The following GRIK4 variants were observed in gnomAD, a reference collection of about 807,000 sequenced individuals.
GRIK4 encodes glutamate ionotropic receptor kainate type subunit 4.
In GRIK4, 40 loss-of-function variants were observed where a neutral mutation model predicts 104.9. That is an observed-to-expected ratio of 0.38 (90% CI 0.30 to 0.50). GRIK4 has a LOEUF of 0.50. Ranked by LOEUF, GRIK4 falls within the 20% of genes least tolerant of loss-of-function variation. The pLI is 0.93. For synonymous variants in GRIK4, 485 were observed against 524.9 expected (o/e 0.92, Z 1.04); for missense variants, 1,047 against 1,308.1 (o/e 0.80, Z 3.08).
intron 9 of GRIK4, among the ~76,000 whole-genome samples, chr11:120,864,642 G>A (rs148968593): frequency 5.9e-5 from 9 of 152,336 alleles, no homozygotes; most frequent in East Asian, 1.9e-4. Flanking sequence ...ACCACATTTG[G>A]CATCTGGCCT....
intron 3 of GRIK4, among the ~76,000 whole-genome samples, chr11:120,739,326 A>C (rs1860046183): frequency 6.6e-6 from 1 of 152,224 alleles, no homozygotes; most frequent in Non-Finnish European, 1.5e-5. Context: ...AATGGGGCCA[A>C]TCTTAGCTGA....
chr11:120,742,334 A>G (rs552256069), intron 3 of GRIK4, among the ~76,000 whole-genome samples: 1 of 148,076 alleles, frequency 6.8e-6, no homozygotes, highest in African/African-American at 2.5e-5. Flanking sequence ...CCACAGAGCA[A>G]GACTCCGTTT....
chr11:120,600,804 TG>T (rs1286086810), intron 1 of GRIK4, among the ~76,000 whole-genome samples: 8 of 152,264 alleles, frequency 5.3e-5, no homozygotes, highest in Non-Finnish European at 1.2e-4. Context: ...GGCTCATGCC[TG>T]TAATCCTAGC....
At chr11:120,652,968 AT>A (rs2135221886) in intron 1 of GRIK4, among the ~76,000 whole-genome samples, 1 of 152,350 alleles carries the variant, frequency 6.6e-6, no homozygotes, top group Non-Finnish European at 1.5e-5. Flanking sequence ...CTGCTCATGA[AT>A]CAGCAAACAT....
intron 1 of GRIK4, among the ~76,000 whole-genome samples, chr11:120,562,542 G>A (rs1948252312): frequency 6.6e-6 from 1 of 152,178 alleles, no homozygotes; most frequent in African/African-American, 2.4e-5. Context: ...GAGGCTGGTG[G>A]GGGCTGGGGA....
chr11:120,634,144 AT>A (rs1395287480), intron 1 of GRIK4, among the ~76,000 whole-genome samples: 5 of 152,200 alleles, frequency 3.3e-5, no homozygotes, highest in Non-Finnish European at 7.3e-5. Flanking sequence ...ACGATAATAT[AT>A]GTAAAGTGCT....
chr11:120,925,534 T>C (rs1943324992), intron 13 of GRIK4, among the ~76,000 whole-genome samples: 2 of 152,198 alleles, frequency 1.3e-5, no homozygotes, highest in South Asian at 4.1e-4. Context: ...CTTAACCAGC[T>C]GTTTTGGCAG....
intron 1 of GRIK4, among the ~76,000 whole-genome samples, chr11:120,593,173 C>T (rs1221406658): frequency 7.3e-6 from 1 of 136,236 alleles, no homozygotes; most frequent in African/African-American, 2.8e-5. Flanking sequence ...CAGAGCCTGA[C>T]TCTGTCTCAA....
At chr11:120,711,905 C>T (rs1950741538) in intron 3 of GRIK4, among the ~76,000 whole-genome samples, 1 of 152,208 alleles carries the variant, frequency 6.6e-6, no homozygotes, top group African/African-American at 2.4e-5. Flanking sequence ...GCAACTGAAT[C>T]CTACCCATTC....
intron 3 of GRIK4, among the ~76,000 whole-genome samples, chr11:120,724,229 A>G (rs938609726): frequency 1.1e-4 from 17 of 152,128 alleles, no homozygotes; most frequent in African/African-American, 4.1e-4. Flanking sequence ...GCTCACTGTA[A>G]CCATGAACTG....
At chr11:120,533,535 T>C (rs1198629437) in intron 1 of GRIK4, among the ~76,000 whole-genome samples, 1 of 152,196 alleles carries the variant, frequency 6.6e-6, no homozygotes, top group African/African-American at 2.4e-5. Flanking sequence ...GTTGGGTCAT[T>C]GGGGCATCTG....
chr11:120,536,639 C>A (rs933066062), intron 1 of GRIK4, among the ~76,000 whole-genome samples: 1 of 152,094 alleles, frequency 6.6e-6, no homozygotes, highest in Non-Finnish European at 1.5e-5. Context: ...TGGGCCTGTT[C>A]TGGTTGACGT....
At chr11:120,619,655 G>C (rs941359173) in intron 1 of GRIK4, among the ~76,000 whole-genome samples, 1 of 152,136 alleles carries the variant, frequency 6.6e-6, no homozygotes, top group Non-Finnish European at 1.5e-5. Context: ...CAGTGAGTGA[G>C]TTCCCATGAG....
intron 6 of GRIK4, among the ~76,000 whole-genome samples, chr11:120,821,555 C>T (rs553319103): frequency 5.9e-5 from 9 of 152,250 alleles, no homozygotes; most frequent in East Asian, 5.8e-4. Context: ...TCTTCTAAGG[C>T]GAGGCAGTTC....
At chr11:120,677,835 A>G (rs913454947) in intron 3 of GRIK4, among the ~76,000 whole-genome samples, 3 of 152,232 alleles carry the variant, frequency 2.0e-5, no homozygotes, top group Non-Finnish European at 2.9e-5. Flanking sequence ...GATACTGTAC[A>G]TCACAGGAGA....
In GRIK4 at chr11:120,541,648, G is replaced by A. The variant is rs142640236; in HGVS notation, c.-159+29761G>A. Among the ~76,000 whole-genome samples the A allele has an allele frequency of 2.4e-4, 36 of 152,068 alleles. No homozygotes were observed. The East Asian group carries it at 6.2e-3, about 26-fold the overall frequency. On this transcript the variant is annotated intron_variant, in intron 1 of 20. Coordinates refer to ENST00000527524, the MANE Select transcript of GRIK4 (RefSeq NM_014619.5). ...GCTGGGACTACAGGTGTGCCATCAC[G>A]CCTGGCTAATTTTAGTATTTTTTTT... is the stretch of plus-strand genomic sequence containing the variant.
At chr11:120,722,015 C>T (rs1040953422) in intron 3 of GRIK4, among the ~76,000 whole-genome samples, 4 of 152,118 alleles carry the variant, frequency 2.6e-5, no homozygotes, top group African/African-American at 9.7e-5. Context: ...GAATCTTAAG[C>T]TCAGAGAGGT....
At chr11:120,849,163 GCACACA>G (rs143931502) in intron 8 of GRIK4, among the ~76,000 whole-genome samples, 1 of 149,954 alleles carries the variant, frequency 6.7e-6, no homozygotes, top group Non-Finnish European at 1.5e-5. Flanking sequence ...CCCAACGCGC[GCACACA>G]CACACACACA....
At chr11:120,681,699 A>G (rs1950195707) in intron 3 of GRIK4, among the ~76,000 whole-genome samples, 1 of 152,164 alleles carries the variant, frequency 6.6e-6, no homozygotes, top group African/African-American at 2.4e-5. Context: ...TTTCCAGCTA[A>G]CCTAAATCAT....
Sources: gnomAD v4.1 joint callset for allele counts (sites outside exome capture counted in the v4.1 genomes callset) on GRCh38, gnomAD v4.1.1 for gene constraint, MANE v1.5 for transcripts, NCBI Gene and HGNC (gene_info 2026-07-23, HGNC 2026-07-21) for gene names.